The following ZIM2 variants were observed in gnomAD, a reference collection of about 807,000 sequenced individuals.
ZIM2 encodes the protein zinc finger protein 656.
In ZIM2, 14 loss-of-function variants were observed where a neutral mutation model predicts 38.6. That is an observed-to-expected ratio of 0.36 (90% CI 0.24 to 0.57). The LOEUF is 0.57. Ranked by LOEUF, ZIM2 falls within the 20% of genes least tolerant of loss-of-function variation. ZIM2 has a pLI of 0.81. For missense variants in ZIM2, 680 were observed against 695.1 expected, an observed-to-expected ratio of 0.98 and a Z score of 0.24; for synonymous variants, 247 against 245.8, an observed-to-expected ratio of 1.00 and a Z score of -0.04.
rs1233452981 is a variant in ZIM2, at chr19:56,826,423, C to T, written c.-186G>A. ...ACAGGATCCTTTCTGGAACTTCAGA[C>T]CAAGCAGCTATCCACAGGAACAGAG... On this transcript the variant is annotated 5_prime_UTR_variant, in exon 3 of 13. Transcript: ENST00000629319. The T allele has an allele frequency of 6.6e-6, 1 of 152,222 alleles. No individual in the cohort carries two copies. The highest frequency in any genetic ancestry group is 6.5e-5 in the Admixed American group (1 of 15,280). The allele number at this position is 152,222 out of a possible 1,614,324, so 9.4% of individuals were successfully genotyped here. A position where few individuals can be genotyped will look rare whatever the true frequency, so the allele number is the denominator to read the frequency against.
At chr19:56,777,379 G>C (rs1244144186) in intron 12 of ZIM2, among the ~76,000 whole-genome samples, 1 of 152,146 alleles carries the variant, frequency 6.6e-6, no homozygotes, top group African/African-American at 2.4e-5. Flanking sequence ...AGCATGTTCT[G>C]TCAGTTCTTC....
chr19:56,789,802 A>C (rs2046828513), intron 10 of ZIM2, 70 bp downstream of exon 10: 1 of 1,330,114 alleles, frequency 7.5e-7, no homozygotes, highest in African/African-American at 1.5e-5. Context: ...TAATTAAATA[A>C]GGAAGTCCAC....
At position 56,817,506 on chromosome 19, in the gene ZIM2, T is replaced by C. The variant is rs1297051730; in HGVS notation, c.490+240A>G. On this transcript the variant is annotated intron_variant, in intron 9 of 12. Transcript: ENST00000629319. ...CCTTGATGAATTTTTCCATTATCACTCCGTGGGAAGATTCATCTTCACAAA... is the reference window on the plus strand; with the variant it reads ...CCTTGATGAATTTTTCCATTATCACCCCGTGGGAAGATTCATCTTCACAAA... The C allele has an allele frequency of 1.9e-6, 3 of 1,610,644 alleles. No individual in the cohort carries two copies. In the East Asian group the frequency reaches 6.7e-5, roughly 36 times the overall value.
chr19:56,821,003 T>C (rs1159337696), intron 7 of ZIM2, among the ~76,000 whole-genome samples: 1 of 152,208 alleles, frequency 6.6e-6, no homozygotes, highest in Non-Finnish European at 1.5e-5. Context: ...CAAGCTCAAG[T>C]TCCACATTTT....
chr19:56,835,008 C>CCT (rs1418589296), intron 2 of ZIM2, among the ~76,000 whole-genome samples: 1 of 152,138 alleles, frequency 6.6e-6, no homozygotes, highest in Non-Finnish European at 1.5e-5. Flanking sequence ...ACTCACTGTG[C>CCT]CTCCTCTGAA....
intron 2 of ZIM2, among the ~76,000 whole-genome samples, chr19:56,834,789 T>C (rs1013573288): frequency 1.3e-5 from 2 of 152,154 alleles, no homozygotes; most frequent in Non-Finnish European, 2.9e-5. Flanking sequence ...ACCACCACCA[T>C]AGCCACCTAT....
chr19:56,816,059 C>T (rs1290925229), intron 9 of ZIM2: 2 of 1,602,492 alleles, frequency 1.2e-6, no homozygotes, highest in Admixed American at 1.7e-5. Context: ...TTACTGGGCC[C>T]TGCTACACTG....
At position 56,781,942 on chromosome 19, in the gene ZIM2, G is replaced by A; in HGVS notation, c.739+11C>T. The A allele has an allele frequency of 6.2e-7, 1 of 1,612,230 alleles. No homozygotes were observed. Among genetic ancestry groups the A allele is most frequent in the Non-Finnish European group, 8.5e-7 (1 of 1,178,708 alleles). ...GGAAGAAACCAAGTCCTGTGGAGAA[G>A]GCATACTTACCCAGGGAGACCAGGT... On this transcript the variant is annotated intron_variant, in intron 11 of 12. Coordinates refer to ENST00000629319, the MANE Select transcript of ZIM2 (RefSeq NM_001387356.1).
chr19:56,811,835 C>T (rs2059563065), intron 9 of ZIM2: 1 of 985,494 alleles, frequency 1.0e-6, no homozygotes, highest in Non-Finnish European at 1.2e-6. Flanking sequence ...TTCTCAGAAA[C>T]CTGGCCTTCT....
intron 9 of ZIM2, among the ~76,000 whole-genome samples, chr19:56,806,915 C>A (rs1275312683): frequency 2.6e-5 from 4 of 152,246 alleles, no homozygotes; most frequent in Admixed American, 6.5e-5. Context: ...TGATCTTGGA[C>A]TTCCCAGCCT....
Position 56,822,093 on chromosome 19 carries a change from C to T in ZIM2, c.191-339G>A, listed in dbSNP as rs534259074. 7.9e-5 allele frequency among the ~76,000 whole-genome samples: 12 copies of T among 152,306 alleles called. No individual in the cohort carries two copies. In the East Asian group the frequency reaches 1.7e-3, roughly 22 times the overall value. On this transcript the variant is annotated intron_variant, in intron 6 of 12. Coordinates refer to ENST00000629319, the MANE Select transcript of ZIM2 (RefSeq NM_001387356.1). Reference sequence around the variant, plus strand: ...GGGTCTCCCCAGCTGCAATGTGTGACAGGGAGATGGCATCAGAGACCGTCC... The same window carrying T: ...GGGTCTCCCCAGCTGCAATGTGTGATAGGGAGATGGCATCAGAGACCGTCC...
chr19:56,836,133 C>T, intron 1 of ZIM2, 29 bp from the exon 2 acceptor site: 1 of 453,412 alleles, frequency 2.2e-6, no homozygotes, highest in Non-Finnish European at 4.5e-6. Flanking sequence ...TGTGAGACGC[C>T]AAGTTTATTT....
chr19:56,801,017 C>T (rs575010286), intron 9 of ZIM2, among the ~76,000 whole-genome samples: 5 of 150,184 alleles, frequency 3.3e-5, no homozygotes, highest in African/African-American at 1.2e-4. Context: ...CTCACTGCAA[C>T]CTCCGCCTCC....
intron 9 of ZIM2, among the ~76,000 whole-genome samples, chr19:56,806,123 G>A (rs955559355): frequency 6.6e-6 from 1 of 152,124 alleles, no homozygotes; most frequent in African/African-American, 2.4e-5. Flanking sequence ...TAGGAGAAAT[G>A]TTACCAATCA....
intron 11 of ZIM2, 114 bp downstream of exon 11, chr19:56,781,839 G>C (rs922580515): frequency 7.5e-7 from 1 of 1,334,580 alleles, no homozygotes; most frequent in Non-Finnish European, 1.0e-6. Context: ...CCTCTGACCT[G>C]GGTTGAGACT....
chr19:56,808,061 T>C (rs2047841874), intron 9 of ZIM2, among the ~76,000 whole-genome samples: 1 of 152,162 alleles, frequency 6.6e-6, no homozygotes, highest in African/African-American at 2.4e-5. Context: ...CTTCAATCCA[T>C]GTATTGCTCT....
At chr19:56,827,992 G>T (rs2061216643) in intron 2 of ZIM2, among the ~76,000 whole-genome samples, 1 of 152,082 alleles carries the variant, frequency 6.6e-6, no homozygotes, top group African/African-American at 2.4e-5. Flanking sequence ...TTCTCCTTTT[G>T]TTTTTTGTTT....
At chr19:56,805,382 A>T (rs879451090) in intron 9 of ZIM2, among the ~76,000 whole-genome samples, 2 of 152,190 alleles carry the variant, frequency 1.3e-5, no homozygotes, top group African/African-American at 4.8e-5. Flanking sequence ...TGGGCCAATA[A>T]GAGTCCTACA....
At chr19:56,821,278 C>G (rs2060460690) in intron 7 of ZIM2, among the ~76,000 whole-genome samples, 2 of 152,210 alleles carry the variant, frequency 1.3e-5, no homozygotes, top group African/African-American at 4.8e-5. Flanking sequence ...AGCTCCAGAG[C>G]CTTTGTGCTC....
Sources: gnomAD v4.1 joint callset for allele counts (sites outside exome capture counted in the v4.1 genomes callset) on GRCh38, gnomAD v4.1.1 for gene constraint, MANE v1.5 for transcripts, NCBI Gene and HGNC (gene_info 2026-07-23, HGNC 2026-07-21) for gene names.